The following PSG5 variants were observed in gnomAD, a reference collection of about 807,000 sequenced individuals.
PSG5 encodes pregnancy specific beta-1-glycoprotein 5, also known as pregnancy-specific beta-1-glycoprotein 5.
A neutral mutation model predicts 37.7 loss-of-function variants in PSG5; 53 were observed. The ratio of observed to expected loss-of-function variants is 1.41; its 90% CI spans 1.13 to 1.77. The LOEUF is 1.77. Ranked by LOEUF, PSG5 falls within the 40% of genes most tolerant of loss-of-function variation. The pLI, the probability that PSG5 is intolerant of heterozygous loss-of-function variation, is 0.00. For missense variants in PSG5, 547 were observed against 405.2 expected (o/e 1.35, Z -3.00); for synonymous variants, 221 against 155.4 (o/e 1.42, Z -3.14).
At chr19:43,183,145 C>A (rs1270836887) in intron 2 of PSG5, 2 of 250,612 alleles carry the variant, frequency 8.0e-6, no homozygotes, top group Non-Finnish European at 1.6e-5. Flanking sequence ...GTGAGGGAGA[C>A]ACTGACTTCA....
At chr19:43,170,259 C>A in intron 4 of PSG5, 121 bp from the exon 5 acceptor site, 1 of 964,636 alleles carries the variant, frequency 1.0e-6, no homozygotes, top group Non-Finnish European at 1.5e-6. Flanking sequence ...CTACATTATT[C>A]CTCTTGGGAA....
rs577512055 is a variant in PSG5 at position 43,169,358 on chromosome 19, T to C, written c.*40+697A>G. Among the ~76,000 whole-genome samples the C allele has an allele frequency of 3.5e-4, 53 of 151,708 alleles. 2 individuals are homozygous for C. The highest frequency in any genetic ancestry group is 6.3e-4 in the Non-Finnish European group (43 of 67,888). ...TTAATCCTAAAGTCTCCGTTCTCCA[T>C]GAGGTCAGATGTTGCCTGTGATGAA... On this transcript the variant is annotated intron_variant, in intron 5 of 5. Transcript: ENST00000342951.
At chr19:43,181,891 G>A (rs910478164) in intron 2 of PSG5, among the ~76,000 whole-genome samples, 1 of 151,754 alleles carries the variant, frequency 6.6e-6, no homozygotes, top group African/African-American at 2.4e-5. Context: ...ACAGGAGAAT[G>A]TGAGCTCCAT....
In PSG5 at chr19:43,174,572, C is replaced by A. The variant is rs142400180; in HGVS notation, c.964+643G>T. On this transcript the variant is annotated intron_variant, in intron 4 of 5. Transcript: ENST00000342951. ...ACGCAGGAGTCTTCCCTGAGGCTCC[C>A]TCTCTTCTTATTTCCCTGCAGCCTG... 2,773 of 938,304 alleles carry A rather than the reference C, an allele frequency of 3.0e-3. 51 individuals are homozygous for A. Among genetic ancestry groups the A allele is most frequent in the Non-Finnish European group, 3.3e-3 (2,615 of 786,022 alleles). 58.1% of individuals were successfully genotyped at this position (938,304 alleles called of 1,614,324 possible).
intron 4 of PSG5, chr19:43,174,412 C>A (rs879091484): frequency 2.1e-5 from 18 of 843,748 alleles, no homozygotes; most frequent in Non-Finnish European, 2.0e-5. Flanking sequence ...GGCACTGCCC[C>A]TTTCCTGCCA....
At chr19:43,183,044 C>A (rs2122237785) in intron 2 of PSG5, among the ~76,000 whole-genome samples, 2 of 151,104 alleles carry the variant, frequency 1.3e-5, no homozygotes, top group East Asian at 3.9e-4. Context: ...GGGGAAGAAG[C>A]TGTGCAGGAC....
rs1968998718 is a variant in PSG5 at position 43,175,896 on chromosome 19, C to T, written c.683G>A (p.Ser228Asn). 2 of 1,612,500 alleles carry T rather than the reference C, an allele frequency of 1.2e-6. No individual in the cohort carries two copies. Among genetic ancestry groups the T allele is most frequent in the Admixed American group, 1.7e-5 (1 of 59,878 alleles). ...EIRDRDGGMR[S>N]DPVTLNVLYG... ...GAGGACATTCAGGGTGACTGGGTCACTGCGCATGCCACCATCTCGGTCCCG... is the reference window on the plus strand; with the variant it reads ...GAGGACATTCAGGGTGACTGGGTCATTGCGCATGCCACCATCTCGGTCCCG... Residue 228 changes from serine to asparagine, a missense_variant, in exon 3 of 6, where the codon AGT becomes AAT. By Grantham distance (46) the Ser-to-Asn change is conservative. Transcript: ENST00000342951.
intron 2 of PSG5, among the ~76,000 whole-genome samples, chr19:43,182,111 G>A (rs1485899293): frequency 2.0e-5 from 3 of 151,700 alleles, no homozygotes; most frequent in Admixed American, 1.3e-4. Flanking sequence ...CTAACCTTGG[G>A]AGGAATTTAA....
In PSG5 at chr19:43,186,102, G is replaced by A. The variant is rs900421159; in HGVS notation, c.64+240C>T. Among the ~76,000 whole-genome samples, 6 of 151,196 alleles carry A rather than the reference G, an allele frequency of 4.0e-5. No homozygotes were observed. In the East Asian group the frequency reaches 5.8e-4, roughly 15 times the overall value. On this transcript the variant is annotated intron_variant, in intron 1 of 5. Transcript: ENST00000342951. ...TGTGATTTTCCTGCCTCAGCCTCCAGAGTAGCTAGGATTCCAAGAGCACAC... is the reference window on the plus strand; with the variant it reads ...TGTGATTTTCCTGCCTCAGCCTCCAAAGTAGCTAGGATTCCAAGAGCACAC...
At chr19:43,169,896 C>T in intron 5 of PSG5, 159 bp downstream of exon 5, 1 of 468,560 alleles carries the variant, frequency 2.1e-6, no homozygotes, top group Admixed American at 3.1e-5. Context: ...GCATAAAGGC[C>T]AGGGAGAAAG....
intron 2 of PSG5, among the ~76,000 whole-genome samples, chr19:43,177,030 TG>T (rs1969026145): frequency 6.6e-6 from 1 of 151,710 alleles, no homozygotes; most frequent in South Asian, 2.1e-4. Context: ...TCATGGACCA[TG>T]TGTGTTTGAT....
intron 2 of PSG5, among the ~76,000 whole-genome samples, chr19:43,180,023 C>A (rs996664402): frequency 6.6e-6 from 1 of 151,662 alleles, no homozygotes; most frequent in African/African-American, 2.4e-5. Context: ...GAAGTCTGGC[C>A]CTCATGGACC....
intron 1 of PSG5, 69 bp from the exon 2 acceptor site, chr19:43,185,216 G>A: frequency 6.7e-7 from 1 of 1,489,152 alleles, no homozygotes; most frequent in Non-Finnish European, 9.1e-7. Flanking sequence ...GGAGCCCTGG[G>A]TCCTGAGAAG....
Position 43,178,890 on chromosome 19 carries a change from A to G in PSG5, c.431-2742T>C. 2.5e-6 allele frequency: 4 copies of G among 1,612,926 alleles called. 1 individual carries two copies. The highest frequency in any genetic ancestry group is 3.4e-6 in the Non-Finnish European group (4 of 1,179,330). On this transcript the variant is annotated intron_variant, in intron 2 of 5. Transcript: ENST00000342951. ...CAGAGGATACTCACGGAGGAGATTC[A>G]GGGTGACTGGGTCACTGTGGCTGGC...
chr19:43,177,539 A>T (rs1472348664), intron 2 of PSG5, among the ~76,000 whole-genome samples: 2 of 150,306 alleles, frequency 1.3e-5, no homozygotes, highest in Non-Finnish European at 3.0e-5. Context: ...CGTTTCTACC[A>T]TGGTGATTAG....
chr19:43,170,393 A>G (rs535649897), intron 4 of PSG5: 6 of 495,056 alleles, frequency 1.2e-5, no homozygotes, highest in East Asian at 1.2e-4. Flanking sequence ...TTTCAGACAT[A>G]AGAAAGGCTG....
chr19:43,177,506 C>T (rs1969035514), intron 2 of PSG5, among the ~76,000 whole-genome samples: 1 of 150,428 alleles, frequency 6.6e-6, no homozygotes, highest in Admixed American at 6.6e-5. Flanking sequence ...ATATTCCTGC[C>T]CTTTTTTTTT....
intron 2 of PSG5, among the ~76,000 whole-genome samples, chr19:43,179,821 C>T (rs1309109854): frequency 6.6e-6 from 1 of 151,674 alleles, no homozygotes; most frequent in African/African-American, 2.4e-5. Flanking sequence ...AAGGAATGAC[C>T]TACAAAGAGT....
At chr19:43,183,215 T>C (rs866831865) in intron 2 of PSG5, 24 of 324,042 alleles carry the variant, frequency 7.4e-5, no homozygotes, top group East Asian at 3.7e-4. Flanking sequence ...GCCCTGAGAA[T>C]CCTCTGGTGG....
Sources: gnomAD v4.1 joint callset for allele counts (sites outside exome capture counted in the v4.1 genomes callset) on GRCh38, gnomAD v4.1.1 for gene constraint, MANE v1.5 for transcripts, NCBI Gene and HGNC (gene_info 2026-07-23, HGNC 2026-07-21) for gene names.